Variants in GFRA1 observed in about 807,000 individuals in gnomAD.
GFRA1 encodes GDNF family receptor alpha-1.
In GFRA1, 16 loss-of-function variants were observed where a neutral mutation model predicts 51.6. That is an observed-to-expected ratio of 0.31 (90% CI 0.21 to 0.47). GFRA1 has a LOEUF of 0.47. Ranked by LOEUF, GFRA1 falls within the 20% of genes least tolerant of loss-of-function variation. The pLI is 1.00. For synonymous variants in GFRA1, 270 were observed against 241.3 expected (o/e 1.12, Z -1.10); for missense variants, 530 against 594.3 (o/e 0.89, Z 1.13).
chr10:116,211,386 T>C (rs2694770), intron 5 of GFRA1, among the ~76,000 whole-genome samples: 95,789 of 152,020 alleles, frequency 0.63, 32,043 homozygotes, highest in African/African-American at 0.87. Context: ...TCCAAGCGTC[T>C]CTGCCCAGCT....
intron 5 of GFRA1, among the ~76,000 whole-genome samples, chr10:116,131,924 AG>A (rs1958121288): frequency 1.4e-5 from 2 of 145,964 alleles, no homozygotes; most frequent in East Asian, 2.0e-4. Context: ...AAAAAAAAAA[AG>A]GCCAGGCACA....
chr10:116,098,867 T>C (rs937038824), intron 6 of GFRA1, among the ~76,000 whole-genome samples: 2 of 152,220 alleles, frequency 1.3e-5, no homozygotes, highest in Non-Finnish European at 2.9e-5. Context: ...GTAGAAAGCA[T>C]AGCCCCGATT....
At chr10:116,077,042 G>A (rs1278190390) in intron 9 of GFRA1, among the ~76,000 whole-genome samples, 1 of 152,116 alleles carries the variant, frequency 6.6e-6, no homozygotes, top group African/African-American at 2.4e-5. Flanking sequence ...TGAGTTATTT[G>A]GAGGTATTCA....
chr10:116,148,172 C>T (rs11813518), intron 5 of GFRA1, among the ~76,000 whole-genome samples: 28,580 of 149,680 alleles, frequency 0.19, 2,873 homozygotes, highest in African/African-American at 0.25. Flanking sequence ...TTTTGTCTTC[C>T]GGTTTCACCT....
intron 6 of GFRA1, among the ~76,000 whole-genome samples, chr10:116,102,998 CAGTT>C (rs1247757698): frequency 1.3e-5 from 2 of 152,170 alleles, no homozygotes; most frequent in East Asian, 3.9e-4. Context: ...CTCAGTGGGT[CAGTT>C]AGAGGAAAGA....
At chr10:116,213,417 CT>C (rs1965346051) in intron 4 of GFRA1, among the ~76,000 whole-genome samples, 1 of 152,150 alleles carries the variant, frequency 6.6e-6, no homozygotes, top group African/African-American at 2.4e-5. Flanking sequence ...TCTGTGCCCC[CT>C]GTATGAAGAC....
intron 5 of GFRA1, among the ~76,000 whole-genome samples, chr10:116,132,136 A>G (rs1287458899): frequency 6.6e-6 from 1 of 151,862 alleles, no homozygotes; most frequent in African/African-American, 2.4e-5. Flanking sequence ...TGAGCCCAGA[A>G]GGTCAAGGCT....
chr10:116,092,096 TACACACACACACACAC>T (rs58442181), intron 8 of GFRA1, among the ~76,000 whole-genome samples: 61 of 138,210 alleles, frequency 4.4e-4, no homozygotes, highest in African/African-American at 1.1e-3. Flanking sequence ...CATACATACG[TACACACACACACACAC>T]ACACACACAC....
chr10:116,096,768 C>T lies in GFRA1; in HGVS notation c.771-4G>A, dbSNP rs748458762. 1.3e-6 allele frequency: 2 copies of T among 1,547,158 alleles called. No homozygotes were observed. The highest frequency in any genetic ancestry group is 1.8e-6 in the Non-Finnish European group (2 of 1,120,850). Reference sequence around the variant, plus strand: ...AAAAAAATCCGCAAGGCGAGATCTACAATAGGAAAAAAGGGGTGGGGGGTG... The same window carrying T: ...AAAAAAATCCGCAAGGCGAGATCTATAATAGGAAAAAAGGGGTGGGGGGTG... On this transcript the variant is annotated splice_polypyrimidine_tract_variant and splice_region_variant and intron_variant, in intron 6 of 10. Transcript: ENST00000355422.
At chr10:116,183,179 C>G (rs1402054045) in intron 5 of GFRA1, among the ~76,000 whole-genome samples, 2 of 152,166 alleles carry the variant, frequency 1.3e-5, no homozygotes, top group Non-Finnish European at 2.9e-5. Context: ...CAGTGCACTC[C>G]AGAAGCATGA....
chr10:116,180,486 T>C (rs535771318), intron 5 of GFRA1, among the ~76,000 whole-genome samples: 1 of 152,310 alleles, frequency 6.6e-6, no homozygotes, highest in South Asian at 2.1e-4. Flanking sequence ...ATAAAAAGGA[T>C]GGTAACAGAG....
chr10:116,127,101 G>GA (rs56387404), intron 5 of GFRA1, among the ~76,000 whole-genome samples: 7,507 of 149,292 alleles, frequency 0.05, 432 homozygotes, highest in African/African-American at 0.14. Flanking sequence ...AGAAGAAAAT[G>GA]AAAAAAAAAA....
intron 6 of GFRA1, among the ~76,000 whole-genome samples, chr10:116,124,333 G>T (rs1182136179): frequency 6.6e-6 from 1 of 151,644 alleles, no homozygotes; most frequent in South Asian, 2.1e-4. Context: ...AGGTTCAAGC[G>T]ATTCTCCTGT....
At chr10:116,259,165 G>A (rs528729982) in intron 4 of GFRA1, among the ~76,000 whole-genome samples, 1 of 152,112 alleles carries the variant, frequency 6.6e-6, no homozygotes. Flanking sequence ...ATTATTAACT[G>A]TACACAAAAC....
intron 4 of GFRA1, among the ~76,000 whole-genome samples, chr10:116,257,297 G>A (rs1316415732): frequency 4.4e-5 from 4 of 90,012 alleles, no homozygotes; most frequent in Non-Finnish European, 9.2e-5. Context: ...CCCCCACCCC[G>A]CCCCCACCAC....
At chr10:116,200,621 G>C (rs1372282009) in intron 5 of GFRA1, among the ~76,000 whole-genome samples, 3 of 152,190 alleles carry the variant, frequency 2.0e-5, no homozygotes, top group Non-Finnish European at 2.9e-5. Context: ...TGCCAACGGG[G>C]TGGGGATCTT....
At chr10:116,233,860 A>C (rs1006983600) in intron 4 of GFRA1, among the ~76,000 whole-genome samples, 2 of 152,230 alleles carry the variant, frequency 1.3e-5, no homozygotes, top group African/African-American at 4.8e-5. Context: ...AGGGAAAAAA[A>C]CAAATGATTT....
chr10:116,113,551 G>A (rs994427374), intron 6 of GFRA1, among the ~76,000 whole-genome samples: 8 of 152,120 alleles, frequency 5.3e-5, no homozygotes, highest in Non-Finnish European at 7.3e-5. Context: ...AGTCACCACC[G>A]GTATCCAATT....
intron 9 of GFRA1, among the ~76,000 whole-genome samples, chr10:116,070,925 C>A (rs1299934405): frequency 6.6e-6 from 1 of 152,168 alleles, no homozygotes; most frequent in Non-Finnish European, 1.5e-5. Context: ...GCTTTTCCTA[C>A]AAACTTGGTA....
Sources: allele counts gnomAD v4.1 joint callset (sites outside exome capture counted in the v4.1 genomes callset), GRCh38; gene constraint gnomAD v4.1.1; transcripts MANE v1.5; gene names NCBI Gene and HGNC (gene_info 2026-07-23, HGNC 2026-07-21).